OR8J1: variants seen among roughly 807,000 people sequenced by gnomAD.
OR8J1 encodes the protein olfactory receptor family 8 subfamily J member 1, also known as olfactory receptor 8J1.
For missense variants in OR8J1, 400 were observed against 373.0 expected (o/e 1.07, Z -0.60); for synonymous variants, 157 against 144.3 (o/e 1.09, Z -0.63).
intron 1 of OR8J1, among the ~76,000 whole-genome samples, chr11:56,359,775 A>G (rs928234053): frequency 1.3e-5 from 2 of 152,176 alleles, no homozygotes; most frequent in African/African-American, 2.4e-5. Flanking sequence ...TGAAATGAAT[A>G]AAGAAAATGG....
chr11:56,358,376 CT>C (rs760562850), intron 1 of OR8J1, among the ~76,000 whole-genome samples: 1 of 152,130 alleles, frequency 6.6e-6, no homozygotes, highest in Non-Finnish European at 1.5e-5. Flanking sequence ...TTAAGACCCC[CT>C]ACCCCCTCAA....
At chr11:56,357,952 C>G in intron 1 of OR8J1, 1 of 882,082 alleles carries the variant, frequency 1.1e-6, no homozygotes, top group Non-Finnish European at 1.8e-6. Flanking sequence ...TAGTTGCTAG[C>G]GCTACTTAAT....
chr11:56,355,317 G>A (rs982419422), intron 1 of OR8J1, among the ~76,000 whole-genome samples: 9 of 151,582 alleles, frequency 5.9e-5, no homozygotes, highest in African/African-American at 1.2e-4. Flanking sequence ...CCCATTAGCC[G>A]TAAAACACTG....
chr11:56,360,809 C>T lies in OR8J1; in HGVS notation c.563C>T (p.Ser188Phe), dbSNP rs1242695552. ...GATAATGTTCCTCTGTTAGCATTAT[C>T]TTGCTCTGATACTTACTTACCAGAA... ...YCDNVPLLAL[S>F]CSDTYLPETV... Residue 188 changes from serine to phenylalanine, a missense_variant, in exon 2 of 2, where the codon TCT becomes TTT. Ser to Phe is a radical substitution (Grantham distance 155). Transcript: ENST00000533152. 1.3e-6 allele frequency: 2 copies of T among 1,557,314 alleles called. No homozygotes were observed. Among genetic ancestry groups the T allele is most frequent in the Admixed American group, 4.1e-5 (2 of 48,386 alleles).
chr11:56,355,041 A>G (rs906175559), intron 1 of OR8J1, among the ~76,000 whole-genome samples: 2 of 152,074 alleles, frequency 1.3e-5, no homozygotes, highest in Non-Finnish European at 2.9e-5. Context: ...GTGTAATGGG[A>G]CAAAATCTCT....
At chr11:56,358,735 A>C (rs947471295) in intron 1 of OR8J1, among the ~76,000 whole-genome samples, 2 of 152,148 alleles carry the variant, frequency 1.3e-5, no homozygotes, top group African/African-American at 4.8e-5. Flanking sequence ...TTTCTTTACC[A>C]GATTTTTGTA....
At chr11:56,355,794 A>ATT (rs1455953885) in intron 1 of OR8J1, among the ~76,000 whole-genome samples, 5 of 152,216 alleles carry the variant, frequency 3.3e-5, no homozygotes, top group African/African-American at 1.2e-4. Context: ...CAGAAATGAC[A>ATT]TTTTTAAATA....
chr11:56,361,204 A>G lies in OR8J1; in HGVS notation c.*7A>G. On this transcript the variant is annotated 3_prime_UTR_variant, in exon 2 of 2. Coordinates refer to ENST00000533152, the MANE Select transcript of OR8J1 (RefSeq NM_001005205.3). The stretch of plus-strand genomic sequence containing the variant: ...TTCCTTTAAAACAATGTAATTTTAA[A>G]CAGTACAGGTAAATGAGGAGAGAGT... 3.4e-6 allele frequency: 4 copies of G among 1,167,606 alleles called. No individual in the cohort carries two copies. Among genetic ancestry groups the G allele is most frequent in the Non-Finnish European group, 4.5e-6 (4 of 883,380 alleles). 72.3% of individuals were successfully genotyped at this position (1,167,606 alleles called of 1,614,324 possible).
intron 1 of OR8J1, chr11:56,358,039 G>C (rs1462064409): frequency 7.5e-6 from 5 of 670,528 alleles, no homozygotes; most frequent in Non-Finnish European, 1.3e-5. Context: ...CATGATGGAG[G>C]AGACGTATAA....
rs1854939306 is a variant in OR8J1, at chr11:56,354,338, GACTT to G, written c.-21+16_-21+19del. On this transcript the variant is annotated intron_variant, in intron 1 of 1. Coordinates refer to ENST00000533152, the MANE Select transcript of OR8J1 (RefSeq NM_001005205.3). ...TTCTCCTCTAGAGGTGGGTGGAAAAGACTTACCTTATTTTTGTATAATGACCATA... is the reference window on the plus strand; with the variant it reads ...TTCTCCTCTAGAGGTGGGTGGAAAAGACCTTATTTTTGTATAATGACCATA... The G allele has an allele frequency of 6.6e-6, 1 of 152,122 alleles. No homozygotes were observed. Among genetic ancestry groups the G allele is most frequent in the Non-Finnish European group, 1.5e-5 (1 of 68,022 alleles). 9.4% of individuals were successfully genotyped at this position (152,122 alleles called of 1,614,324 possible).
At position 56,360,592 on chromosome 11, in the gene OR8J1, G is replaced by A. The variant is rs762623055; in HGVS notation, c.346G>A (p.Ala116Thr). ...TATTGTATCGGAGGTAATCATGCTG[G>A]CTTTGATGGCCTATGACCGCTATGT... The part of the protein sequence containing the change: ...FFIVSEVIML[A>T]LMAYDRYVAI... The change falls in exon 2 of 2, where the codon GCT becomes ACT. Residue 116 changes from alanine to threonine, a missense_variant. Coordinates refer to ENST00000533152, the MANE Select transcript of OR8J1 (RefSeq NM_001005205.3). 13 of 1,613,712 alleles carry A rather than the reference G, an allele frequency of 8.1e-6. No homozygotes were observed. The highest frequency in any genetic ancestry group is 1.1e-5 in the Non-Finnish European group (13 of 1,179,906).
In OR8J1 at chr11:56,361,106, A is replaced by G; in HGVS notation, c.860A>G (p.Asn287Ser). 1 of 1,507,864 alleles carries G rather than the reference A, an allele frequency of 6.6e-7. No individual in the cohort carries two copies. The highest frequency in any genetic ancestry group is 1.5e-5 in the South Asian group (1 of 68,920). The allele number at this position is 1,507,864 out of a possible 1,614,324, so 93.4% of individuals were successfully genotyped here. A position where few individuals can be genotyped will look rare whatever the true frequency, so the allele number is the denominator to read the frequency against. Residue 287 changes from asparagine to serine, a missense_variant, in exon 2 of 2, where the codon AAT becomes AGT. By Grantham distance (46) the Asn-to-Ser change is conservative. Transcript: ENST00000533152. Reference sequence around the variant, plus strand: ...TACACGTTGGTAATTCCTATGCTGAATCCCTTGATCTACAGCCTGAGGAAT... The same window carrying G: ...TACACGTTGGTAATTCCTATGCTGAGTCCCTTGATCTACAGCCTGAGGAAT... ...VFYTLVIPML[N>S]PLIYSLRNKD...
Position 56,361,113 on chromosome 11 carries a change from G to A in OR8J1, c.867G>A (p.Leu289=). The A allele has an allele frequency of 6.7e-7, 1 of 1,500,670 alleles. No homozygotes were observed. The highest frequency in any genetic ancestry group is 1.4e-5 in the African/African-American group (1 of 70,052). 93.0% of individuals were successfully genotyped at this position (1,500,670 alleles called of 1,614,324 possible). Residue 289 remains leucine, a synonymous_variant, in exon 2 of 2, where the codon TTG becomes TTA. Transcript: ENST00000533152. ...YTLVIPMLNP[L]IYSLRNKDVK... ...TGGTAATTCCTATGCTGAATCCCTT[G>A]ATCTACAGCCTGAGGAATAAGGATG...
chr11:56,356,164 C>T (rs1482595266), intron 1 of OR8J1, among the ~76,000 whole-genome samples: 2 of 152,068 alleles, frequency 1.3e-5, no homozygotes, highest in African/African-American at 4.8e-5. Flanking sequence ...AGAATCATAA[C>T]ATGGTGAACC....
intron 1 of OR8J1, among the ~76,000 whole-genome samples, chr11:56,359,345 A>G (rs1565120456): frequency 6.6e-6 from 1 of 152,022 alleles, no homozygotes; most frequent in African/African-American, 2.4e-5. Flanking sequence ...CATTACAGTG[A>G]TAAAAATATA....
At position 56,360,627 on chromosome 11, in the gene OR8J1, T is replaced by C; in HGVS notation, c.381T>C (p.Cys127=). The C allele has an allele frequency of 6.2e-7, 1 of 1,613,284 alleles. No individual in the cohort carries two copies. The highest frequency in any genetic ancestry group is 8.5e-7 in the Non-Finnish European group (1 of 1,179,618). ...CCTATGACCGCTATGTGGCTATTTG[T>C]AACCCTCTGCTGTACATGGTGGTGG... ...LMAYDRYVAI[C]NPLLYMVVVS... is the part of the protein sequence containing the mutation. The change falls in exon 2 of 2, where the codon TGT becomes TGC. Residue 127 remains cysteine, a synonymous_variant. Coordinates refer to ENST00000533152, the MANE Select transcript of OR8J1 (RefSeq NM_001005205.3).
At position 56,360,794 on chromosome 11, in the gene OR8J1, C is replaced by T. The variant is rs1259022008; in HGVS notation, c.548C>T (p.Pro183Leu). Residue 183 changes from proline to leucine, a missense_variant, in exon 2 of 2, where the codon CCT (proline) becomes CTT (leucine). By Grantham distance (98) the Pro-to-Leu change is moderately conservative. Transcript: ENST00000533152. ...IINHFYCDNV[P>L]LLALSCSDTY... Reference sequence around the variant, plus strand: ...AATCATTTTTACTGTGATAATGTTCCTCTGTTAGCATTATCTTGCTCTGAT... The same window carrying T: ...AATCATTTTTACTGTGATAATGTTCTTCTGTTAGCATTATCTTGCTCTGAT... 6.4e-7 allele frequency: 1 copy of T among 1,571,752 alleles called. No individual in the cohort carries two copies. The highest frequency in any genetic ancestry group is 8.6e-7 in the Non-Finnish European group (1 of 1,164,254).
intron 1 of OR8J1, chr11:56,357,356 A>G (rs1314100938): frequency 4.3e-6 from 3 of 692,838 alleles, no homozygotes; most frequent in African/African-American, 1.8e-5. Context: ...AGTAAGGCCT[A>G]CTTTAAGAGA....
Position 56,360,699 on chromosome 11 carries a change from T to C in OR8J1, c.453T>C (p.Tyr151=), listed in dbSNP as rs758597329. The change falls in exon 2 of 2, where the codon TAT becomes TAC. Residue 151 remains tyrosine (Y), a synonymous_variant. Transcript: ENST00000533152. ...CLLLVSLTYL[Y]GFSTAIVVSS... The stretch of plus-strand genomic sequence containing the variant: ...TGCTGGTCTCCCTCACATACCTCTA[T>C]GGCTTTTCTACAGCTATTGTGGTTT... 10 of 1,612,468 alleles carry C rather than the reference T, an allele frequency of 6.2e-6. No homozygotes were observed. Among genetic ancestry groups the C allele is most frequent in the Non-Finnish European group, 8.5e-6 (10 of 1,179,440 alleles).
Sources: gnomAD v4.1 joint callset for allele counts (sites outside exome capture counted in the v4.1 genomes callset) on GRCh38, gnomAD v4.1.1 for gene constraint, MANE v1.5 for transcripts, NCBI Gene and HGNC (gene_info 2026-07-23, HGNC 2026-07-21) for gene names.